Variants in FBXL17 observed in about 807,000 individuals in gnomAD.
FBXL17 encodes the protein F-box and leucine rich repeat protein 17, also known as F-box/LRR-repeat protein 17.
In FBXL17, 22 loss-of-function variants were observed where a neutral mutation model predicts 66.2. The observed-to-expected ratio is 0.33, with a 90% CI of 0.24 to 0.47. The LOEUF (loss-of-function observed/expected upper bound fraction) is 0.47, where lower values mean the gene tolerates loss of function less well. Ranked by LOEUF, FBXL17 falls within the 20% of genes least tolerant of loss-of-function variation. The probability of loss-of-function intolerance (pLI) is 1.00; values close to 1 mark genes in which losing one functional copy is unlikely to be tolerated. For synonymous variants in FBXL17, 474 were observed against 400.5 expected, an observed-to-expected ratio of 1.18 and a Z score of -2.19; for missense variants, 878 against 948.2, an observed-to-expected ratio of 0.93 and a Z score of 0.97.
chr5:108,337,450 G>A (rs531485371), intron 4 of FBXL17, among the ~76,000 whole-genome samples: 29 of 152,148 alleles, frequency 1.9e-4, no homozygotes, highest in African/African-American at 4.6e-4. Flanking sequence ...TAACGTGTAT[G>A]CAAACGATCT....
intron 4 of FBXL17, 82 bp downstream of exon 4, chr5:108,348,317 C>A: frequency 2.3e-6 from 3 of 1,286,936 alleles, no homozygotes; most frequent in South Asian, 3.5e-5. Flanking sequence ...AGAAAATAAG[C>A]AGAAAAAATT....
chr5:108,224,153 C>T lies in FBXL17; in HGVS notation c.1582G>A (p.Val528Ile). The change falls in exon 5 of 9, where the codon GTC becomes ATC. Residue 528 changes from valine (V) to isoleucine (I), a missense_variant. Transcript: ENST00000542267. ...AGGTGAATGACTCCTTTAGAAGTGA[C>T]TGAACAACCCATGAAGCCTACATAT... ...LQYVGFMGCS[V>I]TSKGVIHLTK... 1 of 1,611,064 alleles carries T rather than the reference C, an allele frequency of 6.2e-7. No homozygotes were observed. The highest frequency in any genetic ancestry group is 8.5e-7 in the Non-Finnish European group (1 of 1,177,940).
chr5:108,035,029 G>A (rs1746787189), intron 6 of FBXL17, among the ~76,000 whole-genome samples: 1 of 151,986 alleles, frequency 6.6e-6, no homozygotes, highest in Non-Finnish European at 1.5e-5. Context: ...TTCTACTAAT[G>A]ATCTAATACA....
intron 4 of FBXL17, among the ~76,000 whole-genome samples, chr5:108,225,156 G>T (rs1755048162): frequency 6.6e-6 from 1 of 152,134 alleles, no homozygotes; most frequent in Admixed American, 6.5e-5. Context: ...TATATAAAAA[G>T]AACTACCAGT....
In FBXL17 at chr5:108,356,799, G is replaced by A. The variant is rs764046782; in HGVS notation, c.1374+7939C>T. Among the ~76,000 whole-genome samples, 16 of 152,074 alleles carry A rather than the reference G, an allele frequency of 1.1e-4. 1 individual carries two copies. In the Middle Eastern group the frequency reaches 0.014, roughly 129 times the overall value. On this transcript the variant is annotated intron_variant, in intron 3 of 8. Coordinates refer to ENST00000542267, the MANE Select transcript of FBXL17 (RefSeq NM_001163315.3). The stretch of plus-strand genomic sequence containing the variant: ...TCATAGAATGTACAATACCAAGAGT[G>A]AACCCTAACATAAATTATGGGCTTT...
At chr5:108,370,167 T>G (rs1748930373) in intron 1 of FBXL17, among the ~76,000 whole-genome samples, 1 of 152,228 alleles carries the variant, frequency 6.6e-6, no homozygotes, top group Non-Finnish European at 1.5e-5. Flanking sequence ...ATGCAAACTC[T>G]ACATAGACAG....
At chr5:108,191,374 A>C (rs994799146) in intron 5 of FBXL17, among the ~76,000 whole-genome samples, 3 of 152,220 alleles carry the variant, frequency 2.0e-5, no homozygotes, top group African/African-American at 4.8e-5. Context: ...TAATGCCACT[A>C]AACTGTACAT....
chr5:108,203,202 C>G (rs1263571429), intron 5 of FBXL17, among the ~76,000 whole-genome samples: 4 of 150,328 alleles, frequency 2.7e-5, no homozygotes, highest in South Asian at 4.2e-4. Flanking sequence ...TTTCATTGTT[C>G]AACCACTTCT....
At chr5:108,346,406 A>G (rs1747284101) in intron 4 of FBXL17, among the ~76,000 whole-genome samples, 1 of 152,166 alleles carries the variant, frequency 6.6e-6, no homozygotes, top group Non-Finnish European at 1.5e-5. Flanking sequence ...AATACTAGAA[A>G]AAAACTAATG....
At chr5:108,036,293 T>G (rs1040551262) in intron 6 of FBXL17, among the ~76,000 whole-genome samples, 1 of 152,316 alleles carries the variant, frequency 6.6e-6, no homozygotes, top group Middle Eastern at 3.4e-3. Flanking sequence ...CTCAAAACAA[T>G]AAACCTTTCA....
intron 7 of FBXL17, among the ~76,000 whole-genome samples, chr5:107,921,685 T>A (rs972936706): frequency 6.6e-5 from 10 of 152,162 alleles, no homozygotes; most frequent in African/African-American, 2.4e-4. Context: ...CAGCAAGAGC[T>A]GCCCAAGGTG....
At chr5:107,918,789 T>C (rs1482161439) in intron 7 of FBXL17, among the ~76,000 whole-genome samples, 1 of 152,244 alleles carries the variant, frequency 6.6e-6, no homozygotes, top group Non-Finnish European at 1.5e-5. Context: ...AAATGTGTCA[T>C]ATTCTGTTGT....
In FBXL17 at chr5:108,310,682, G is replaced by A. The variant is rs549299017; in HGVS notation, c.1506+37717C>T. On this transcript the variant is annotated intron_variant, in intron 4 of 8. Coordinates refer to ENST00000542267, the MANE Select transcript of FBXL17 (RefSeq NM_001163315.3). ...GCTACTCAAAATTAAGATTATGTAT[G>A]TTAGGAAATCTGTTTAAAAACTGCA... is the stretch of plus-strand genomic sequence containing the variant. Among the ~76,000 whole-genome samples the A allele has an allele frequency of 2.0e-5, 3 of 152,268 alleles. No individual in the cohort carries two copies. In the East Asian group the frequency reaches 5.8e-4, roughly 29 times the overall value.
chr5:107,865,202 A>AC (rs1316491464), intron 8 of FBXL17, among the ~76,000 whole-genome samples: 1 of 152,220 alleles, frequency 6.6e-6, no homozygotes, highest in African/African-American at 2.4e-5. Flanking sequence ...ACAGGTTTGT[A>AC]CAGAGTTTTG....
At chr5:108,299,115 T>G (rs1271122202) in intron 4 of FBXL17, 2 of 978,378 alleles carry the variant, frequency 2.0e-6, no homozygotes, top group Non-Finnish European at 2.4e-6. Flanking sequence ...TTATAACAGC[T>G]TTTTAAATTA....
At chr5:108,364,150 T>A (rs182369491) in intron 3 of FBXL17, among the ~76,000 whole-genome samples, 7 of 151,998 alleles carry the variant, frequency 4.6e-5, no homozygotes, top group Non-Finnish European at 8.8e-5. Context: ...AATTCATACA[T>A]AAGGTTTAAA....
chr5:108,051,184 T>A (rs919815656), intron 6 of FBXL17, among the ~76,000 whole-genome samples: 20 of 152,300 alleles, frequency 1.3e-4, no homozygotes, highest in African/African-American at 4.6e-4. Context: ...CTATCCCTTC[T>A]GAAACTATTC....
At chr5:108,185,343 T>C (rs1367943277) in intron 6 of FBXL17, among the ~76,000 whole-genome samples, 1 of 152,158 alleles carries the variant, frequency 6.6e-6, no homozygotes, top group East Asian at 1.9e-4. Flanking sequence ...GTTCTCCTGA[T>C]AATGAGTTCG....
In FBXL17 at chr5:108,183,370, A is replaced by G. The variant is rs114962996; in HGVS notation, c.1745+2747T>C. On this transcript the variant is annotated intron_variant, in intron 6 of 8. Coordinates refer to ENST00000542267, the MANE Select transcript of FBXL17 (RefSeq NM_001163315.3). ...TCTACTTTTAATTCAATGCATTACC[A>G]AGAAATTTACTGTAATATATTAAAC... Among the ~76,000 whole-genome samples, 1,336 of 152,238 alleles carry G rather than the reference A, an allele frequency of 8.8e-3. 9 individuals carry two copies. Among genetic ancestry groups the G allele is most frequent in the Non-Finnish European group, 0.015 (1,015 of 68,002 alleles).
Sources: allele counts gnomAD v4.1 joint callset (sites outside exome capture counted in the v4.1 genomes callset), GRCh38; gene constraint gnomAD v4.1.1; transcripts MANE v1.5; gene names NCBI Gene and HGNC (gene_info 2026-07-23, HGNC 2026-07-21).